PSD3: variants seen among roughly 807,000 people sequenced by gnomAD.
PSD3 encodes the protein pleckstrin and Sec7 domain containing 3.
A neutral mutation model predicts 105.5 loss-of-function variants in PSD3; 49 were observed. The observed-to-expected ratio is 0.46, with a 90% CI of 0.37 to 0.59. The LOEUF (loss-of-function observed/expected upper bound fraction) is 0.59, where lower values mean the gene tolerates loss of function less well. PSD3 is among the 20% of genes least tolerant of loss of function. PSD3 has a pLI of 0.00. For synonymous variants in PSD3, 557 were observed against 457.8 expected (o/e 1.22, Z -2.77); for missense variants, 1,561 against 1,263.8 (o/e 1.24, Z -3.57).
In PSD3 at chr8:18,916,369, CACACACACA is replaced by C. The variant is rs1319424537; in HGVS notation, c.130+19656_130+19664del. Among the ~76,000 whole-genome samples, 43 of 79,656 alleles carry C rather than the reference CACACACACA, an allele frequency of 5.4e-4. No individual in the cohort carries two copies. The East Asian group carries it at 7.9e-3, about 15-fold the overall frequency. The allele number at this position is 79,656 out of a possible 152,430, so 52.3% of individuals were successfully genotyped here. A position where few individuals can be genotyped will look rare whatever the true frequency, so the allele number is the denominator to read the frequency against. On this transcript the variant is annotated intron_variant, in intron 2 of 15. Coordinates refer to ENST00000327040, the MANE Select transcript of PSD3 (RefSeq NM_015310.4). Reference sequence around the variant, plus strand: ...ATATATACACACACACACACACACACACACACACAAACAGAATACTATACAGCCTTAAAA... The same window carrying C: ...ATATATACACACACACACACACACACAACAGAATACTATACAGCCTTAAAA...
chr8:18,570,847 T>TC (rs1563333128), intron 14 of PSD3, among the ~76,000 whole-genome samples: 3 of 36,782 alleles, frequency 8.2e-5, no homozygotes, highest in South Asian at 7.6e-4. Flanking sequence ...TTAAAACTAT[T>TC]ATTATTATTA....
chr8:18,782,440 A>G (rs540165521), intron 8 of PSD3, among the ~76,000 whole-genome samples: 2 of 152,106 alleles, frequency 1.3e-5, no homozygotes, highest in African/African-American at 2.4e-5. Context: ...GACTATCTTT[A>G]GCATCAGTGG....
At chr8:18,955,944 T>C (rs2129470595) in intron 1 of PSD3, among the ~76,000 whole-genome samples, 1 of 152,084 alleles carries the variant, frequency 6.6e-6, no homozygotes, top group South Asian at 2.1e-4. Context: ...ATTTTTGTAT[T>C]TTCAGTAGAC....
At chr8:18,564,826 A>G (rs1797428698) in intron 14 of PSD3, among the ~76,000 whole-genome samples, 1 of 152,078 alleles carries the variant, frequency 6.6e-6, no homozygotes, top group Non-Finnish European at 1.5e-5. Context: ...CCACAGGACA[A>G]AAGGAGGGGT....
intron 9 of PSD3, among the ~76,000 whole-genome samples, chr8:18,753,915 C>A (rs531648401): frequency 2.0e-5 from 3 of 152,164 alleles, no homozygotes; most frequent in Non-Finnish European, 4.4e-5. Flanking sequence ...CTCTTCAAAA[C>A]AACTCCAGAT....
chr8:18,781,451 T>A (rs1808616032), intron 8 of PSD3, among the ~76,000 whole-genome samples: 1 of 152,222 alleles, frequency 6.6e-6, no homozygotes, highest in African/African-American at 2.4e-5. Flanking sequence ...TAAATGTTTC[T>A]AAGAAACTGA....
At chr8:18,583,959 A>G (rs1451263635) in intron 12 of PSD3, among the ~76,000 whole-genome samples, 1 of 152,128 alleles carries the variant, frequency 6.6e-6, no homozygotes, top group Non-Finnish European at 1.5e-5. Context: ...GGCCCTCTGT[A>G]TCAGAAAGGT....
rs185853593 is a variant in PSD3 at position 19,069,740 on chromosome 8, C to G, written c.324+14466G>C. Among the ~76,000 whole-genome samples, 86 of 152,258 alleles carry G rather than the reference C, an allele frequency of 5.6e-4. No homozygotes were observed. In the East Asian group the frequency reaches 0.016, roughly 28 times the overall value. ...GCTCAGAGAAGTTAAGGAATTTGCC[C>G]TGAATCACTCAGCTAGCTGGACTTC... is the stretch of plus-strand genomic sequence containing the variant. On this transcript the variant is annotated intron_variant, in intron 1 of 1. Coordinates refer to the PSD3 transcript ENST00000521475.
At chr8:18,597,207 T>G (rs939874327) in intron 12 of PSD3, among the ~76,000 whole-genome samples, 1 of 9,166 alleles carries the variant, frequency 1.1e-4, no homozygotes, top group Non-Finnish European at 3.8e-4. Context: ...GCTAGCCATA[T>G]GTAGAAAGCT....
intron 1 of PSD3, among the ~76,000 whole-genome samples, chr8:19,054,219 G>A (rs921910496): frequency 6.6e-6 from 1 of 152,298 alleles, no homozygotes; most frequent in Admixed American, 6.5e-5. Flanking sequence ...CCCCTGAATT[G>A]CTGATTGAAA....
At chr8:18,714,427 GAA>G (rs80018511) in intron 9 of PSD3, among the ~76,000 whole-genome samples, 6 of 108,666 alleles carry the variant, frequency 5.5e-5, no homozygotes, top group South Asian at 3.1e-4. Flanking sequence ...AAATTTACAA[GAA>G]AAAAAAAAAA....
intron 1 of PSD3, among the ~76,000 whole-genome samples, chr8:18,988,272 G>C (rs184021245): frequency 2.0e-5 from 3 of 152,112 alleles, no homozygotes; most frequent in African/African-American, 4.8e-5. Flanking sequence ...TGCTCCACTA[G>C]AATCGTGTAG....
chr8:18,867,261 T>C (rs934949090), intron 4 of PSD3, among the ~76,000 whole-genome samples: 5 of 152,190 alleles, frequency 3.3e-5, no homozygotes, highest in Admixed American at 6.5e-5. Context: ...ACCACTTTAA[T>C]TTCCAATGAA....
Position 18,534,009 on chromosome 8 carries a change from G to C in PSD3, c.*1734C>G, listed in dbSNP as rs1799733201. ...AGGGGTAAGCCTTCTCTGGGCAATA[G>C]TCATGGACATTTACAGAGGGGAAGG... On this transcript the variant is annotated 3_prime_UTR_variant, in exon 16 of 16. Coordinates refer to ENST00000327040, the MANE Select transcript of PSD3 (RefSeq NM_015310.4). 6.6e-6 allele frequency: 1 copy of C among 152,066 alleles called. No homozygotes were observed. The highest frequency in any genetic ancestry group is 1.9e-4 in the East Asian group (1 of 5,188). 9.4% of individuals were successfully genotyped at this position (152,066 alleles called of 1,614,324 possible). A position where few individuals can be genotyped will look rare whatever the true frequency, so the allele number is the denominator to read the frequency against.
chr8:18,902,479 A>G (rs967818821), intron 2 of PSD3, among the ~76,000 whole-genome samples: 1 of 152,142 alleles, frequency 6.6e-6, no homozygotes, highest in African/African-American at 2.4e-5. Context: ...TATTCCACCA[A>G]GTCATTGAAT....
At chr8:18,914,075 C>T (rs920445591) in intron 2 of PSD3, among the ~76,000 whole-genome samples, 1 of 152,126 alleles carries the variant, frequency 6.6e-6, no homozygotes, top group Non-Finnish European at 1.5e-5. Context: ...GAGCCAGGAA[C>T]CAGCCTGCCC....
intron 11 of PSD3, among the ~76,000 whole-genome samples, chr8:18,608,113 G>C (rs1055700640): frequency 3.3e-5 from 5 of 152,192 alleles, no homozygotes; most frequent in Non-Finnish European, 7.3e-5. Flanking sequence ...CCAGCTACTT[G>C]GGAGGCTGAA....
Position 18,871,838 on chromosome 8 carries a change from GC to G in PSD3, c.1025del (p.Arg342ProfsTer15), listed in dbSNP as rs747184183. ...ACAAACCAGCTGATGAGATGAGATG[GC>G]GTGGCACTTTGGAAGACTCTTTGCT... ...PDSKESSKVP[R>X]HLISSAGLCN... On this transcript the variant is annotated frameshift_variant, in exon 3 of 16. Transcript: ENST00000327040. LOFTEE classifies it high-confidence loss of function. The G allele has an allele frequency of 6.2e-7, 1 of 1,614,184 alleles. No homozygotes were observed. The highest frequency in any genetic ancestry group is 1.7e-5 in the Admixed American group (1 of 60,030).
At chr8:18,976,647 T>C (rs77748865) in intron 1 of PSD3, among the ~76,000 whole-genome samples, 16,669 of 151,916 alleles carry the variant, frequency 0.11, 1,171 homozygotes, top group Non-Finnish European at 0.16. Context: ...ATCTACCTCA[T>C]AGGGATATTT....
Sources: gnomAD v4.1 joint callset for allele counts (sites outside exome capture counted in the v4.1 genomes callset) on GRCh38, gnomAD v4.1.1 for gene constraint, MANE v1.5 for transcripts, NCBI Gene and HGNC (gene_info 2026-07-23, HGNC 2026-07-21) for gene names.